DPYD: variants seen among roughly 807,000 people sequenced by gnomAD.
DPYD encodes the protein dihydropyrimidine dehydrogenase.
In DPYD, 109 loss-of-function variants were observed where a neutral mutation model predicts 116.2. The observed-to-expected ratio is 0.94, with a 90% CI of 0.80 to 1.10. The LOEUF (loss-of-function observed/expected upper bound fraction) is 1.10, where lower values mean the gene tolerates loss of function less well. Ranked by LOEUF, DPYD falls within the 50% of genes least tolerant of loss-of-function variation. DPYD has a pLI of 0.00. For missense variants in DPYD, 1,302 were observed against 1,254.5 expected, an observed-to-expected ratio of 1.04 and a Z score of -0.57; for synonymous variants, 440 against 432.0, an observed-to-expected ratio of 1.02 and a Z score of -0.23.
chr1:97,370,769 A>G (rs1450907777), intron 16 of DPYD, among the ~76,000 whole-genome samples: 1 of 152,172 alleles, frequency 6.6e-6, no homozygotes, highest in East Asian at 1.9e-4. Context: ...TTAGAGATGG[A>G]CACTTATCCT....
At chr1:97,383,688 G>A (rs771795198) in intron 14 of DPYD, among the ~76,000 whole-genome samples, 4 of 152,010 alleles carry the variant, frequency 2.6e-5, no homozygotes, top group Non-Finnish European at 4.4e-5. Context: ...AAGGAACAGC[G>A]CCAGGACCCA....
At chr1:97,726,300 C>A (rs1050343053) in intron 4 of DPYD, among the ~76,000 whole-genome samples, 3 of 151,482 alleles carry the variant, frequency 2.0e-5, no homozygotes, top group African/African-American at 7.3e-5. Flanking sequence ...TTAAAGAATA[C>A]CTTAGTATGA....
chr1:97,372,313 C>T (rs1671351630), intron 16 of DPYD, among the ~76,000 whole-genome samples: 1 of 152,100 alleles, frequency 6.6e-6, no homozygotes, highest in Non-Finnish European at 1.5e-5. Context: ...ACTAACTCAG[C>T]CCCCATTCCA....
intron 3 of DPYD, among the ~76,000 whole-genome samples, chr1:97,751,281 T>C (rs1238956944): frequency 6.7e-6 from 1 of 148,842 alleles, no homozygotes; most frequent in African/African-American, 2.5e-5. Context: ...GCTTTCAAAA[T>C]ATATATATAT....
intron 16 of DPYD, among the ~76,000 whole-genome samples, chr1:97,344,204 GA>G (rs1340284705): frequency 4.0e-5 from 6 of 151,748 alleles, no homozygotes; most frequent in Non-Finnish European, 8.8e-5. Context: ...GAGAGAGAGA[GA>G]GAATCTCGCC....
At chr1:97,791,861 A>G (rs1667336516) in intron 3 of DPYD, among the ~76,000 whole-genome samples, 5 of 152,254 alleles carry the variant, frequency 3.3e-5, no homozygotes. Flanking sequence ...GTAGGAAAAG[A>G]CAAAGAAGTA....
At chr1:97,192,583 A>C (rs923819117) in intron 20 of DPYD, among the ~76,000 whole-genome samples, 4 of 152,214 alleles carry the variant, frequency 2.6e-5, no homozygotes, top group African/African-American at 9.6e-5. Flanking sequence ...GCAGTTAGTG[A>C]GAAAGCTGGG....
At chr1:97,146,848 G>A (rs1254636612) in intron 20 of DPYD, among the ~76,000 whole-genome samples, 1 of 152,136 alleles carries the variant, frequency 6.6e-6, no homozygotes, top group Admixed American at 6.6e-5. Context: ...TTAGTTTAGA[G>A]GAGATAAATA....
At chr1:97,513,679 T>C (rs1191862482) in intron 13 of DPYD, among the ~76,000 whole-genome samples, 5 of 151,936 alleles carry the variant, frequency 3.3e-5, no homozygotes, top group Non-Finnish European at 7.4e-5. Flanking sequence ...TTAATAGACG[T>C]CTTTAGTAAA....
chr1:97,295,703 T>C (rs1666486073), intron 18 of DPYD: 1 of 940,656 alleles, frequency 1.1e-6, no homozygotes, highest in Non-Finnish European at 1.3e-6. Context: ...AGTGCTGGGA[T>C]TCCATGTGTG....
chr1:97,261,809 C>A (rs2100852548), intron 18 of DPYD, among the ~76,000 whole-genome samples: 1 of 152,070 alleles, frequency 6.6e-6, no homozygotes, highest in African/African-American at 2.4e-5. Flanking sequence ...TTACTGAGGT[C>A]ATCAGCTGGT....
intron 18 of DPYD, among the ~76,000 whole-genome samples, chr1:97,257,434 C>CGT (rs1557977735): frequency 1.0e-5 from 1 of 95,426 alleles, no homozygotes; most frequent in African/African-American, 6.8e-5. Flanking sequence ...CATATACATA[C>CGT]GTATATATAT....
At chr1:97,682,948 T>C (rs1660505404) in intron 7 of DPYD, among the ~76,000 whole-genome samples, 1 of 152,066 alleles carries the variant, frequency 6.6e-6, no homozygotes, top group Admixed American at 6.6e-5. Flanking sequence ...CAAAGTTCCA[T>C]CTAATAGTCT....
At chr1:97,286,684 T>C (rs1170896091) in intron 18 of DPYD, among the ~76,000 whole-genome samples, 3 of 152,246 alleles carry the variant, frequency 2.0e-5, no homozygotes, top group Non-Finnish European at 4.4e-5. Flanking sequence ...CTTCCATCAC[T>C]GATACCCTTT....
intron 8 of DPYD, among the ~76,000 whole-genome samples, chr1:97,620,110 G>A: frequency 6.6e-6 from 1 of 151,230 alleles, no homozygotes; most frequent in East Asian, 1.9e-4. Context: ...AGATTTGGCT[G>A]CAATCACTAT....
chr1:97,840,607 T>G (rs1229651248), intron 2 of DPYD, among the ~76,000 whole-genome samples: 1 of 152,112 alleles, frequency 6.6e-6, no homozygotes, highest in Non-Finnish European at 1.5e-5. Context: ...GTAGGGTAAG[T>G]TTTTTGTCTT....
At chr1:97,779,530 G>C (rs1666616098) in intron 3 of DPYD, among the ~76,000 whole-genome samples, 1 of 152,036 alleles carries the variant, frequency 6.6e-6, no homozygotes, top group Admixed American at 6.6e-5. Flanking sequence ...ATCCACAGTA[G>C]AAATTTCCAT....
At chr1:97,098,894 T>C (rs1650461819) in intron 20 of DPYD, among the ~76,000 whole-genome samples, 4 of 152,136 alleles carry the variant, frequency 2.6e-5, no homozygotes, top group African/African-American at 9.6e-5. Context: ...TTAAAATACA[T>C]TTCTAAATGG....
chr1:97,292,766 C>G (rs1666295039), intron 18 of DPYD, among the ~76,000 whole-genome samples: 1 of 151,074 alleles, frequency 6.6e-6, no homozygotes, highest in South Asian at 2.1e-4. Context: ...CAAAATATTA[C>G]CACACCCTCA....
Sources: gnomAD v4.1 joint callset for allele counts (sites outside exome capture counted in the v4.1 genomes callset) on GRCh38, gnomAD v4.1.1 for gene constraint, MANE v1.5 for transcripts, NCBI Gene and HGNC (gene_info 2026-07-23, HGNC 2026-07-21) for gene names.